Variants in MFSD6 observed in about 807,000 individuals in gnomAD.
MFSD6 encodes the protein major facilitator superfamily domain-containing protein 6.
MFSD6 carries 26 observed loss-of-function variants against 56.3 expected under a neutral mutation model. That is an observed-to-expected ratio of 0.46 (90% CI 0.34 to 0.64). MFSD6 has a LOEUF of 0.64. Ranked by LOEUF, MFSD6 falls within the 30% of genes least tolerant of loss-of-function variation. MFSD6 has a pLI of 0.01. For missense variants in MFSD6, 750 were observed against 986.2 expected (o/e 0.76, Z 3.21); for synonymous variants, 331 against 366.9 (o/e 0.90, Z 1.12).
chr2:190,452,185 G>A (rs1249821893), intron 3 of MFSD6, among the ~76,000 whole-genome samples: 1 of 151,998 alleles, frequency 6.6e-6, no homozygotes, highest in Admixed American at 6.6e-5. Context: ...AACCTGGGAA[G>A]TGGACGTTGC....
At position 190,410,333 on chromosome 2, in the gene MFSD6, A is replaced by G. The variant is rs952384499; in HGVS notation, c.-176+1830A>G. Among the ~76,000 whole-genome samples the G allele has an allele frequency of 6.6e-6, 1 of 152,224 alleles. No individual in the cohort carries two copies. The highest frequency in any genetic ancestry group is 1.9e-4 in the East Asian group (1 of 5,200). Reference sequence around the variant, plus strand: ...GGGTTAAGCAACTTACACAAACCACATAATCAGTAAGAGGTAGAGTTAAAT... The same window carrying G: ...GGGTTAAGCAACTTACACAAACCACGTAATCAGTAAGAGGTAGAGTTAAAT... On this transcript the variant is annotated intron_variant, in intron 1 of 7. Coordinates refer to ENST00000392328, the MANE Select transcript of MFSD6 (RefSeq NM_017694.4). This position sits in a 1 kb window ranked among gnomAD's most constrained non-coding sequence, Gnocchi z 4.4.
chr2:190,477,299 G>A (rs982364448), intron 4 of MFSD6: 1 of 984,624 alleles, frequency 1.0e-6, no homozygotes, highest in Middle Eastern at 5.2e-4. Flanking sequence ...TCCCACCTCT[G>A]GTTCCTGTTC....
At position 190,418,956 on chromosome 2, in the gene MFSD6, C is replaced by T. The variant is rs1690902534; in HGVS notation, c.-54+3543C>T. On this transcript the variant is annotated intron_variant, in intron 2 of 7. Transcript: ENST00000392328. The surrounding 1 kb of genome is among the most constrained non-coding windows in gnomAD (Gnocchi z 4.1). Reference sequence around the variant, plus strand: ...GGACTGAGACCAGTTTTGTTTCTTTCATCATTTGGCTTTGCCATAAAGGAA... The same window carrying T: ...GGACTGAGACCAGTTTTGTTTCTTTTATCATTTGGCTTTGCCATAAAGGAA... Among the ~76,000 whole-genome samples, 1 of 152,206 alleles carries T rather than the reference C, an allele frequency of 6.6e-6. No individual in the cohort carries two copies. The highest frequency in any genetic ancestry group is 2.4e-5 in the African/African-American group (1 of 41,452).
Position 190,496,293 on chromosome 2 carries a change from C to T in MFSD6, c.1892-1146C>T, listed in dbSNP as rs1449212567. 6.6e-6 allele frequency among the ~76,000 whole-genome samples: 1 copy of T among 152,168 alleles called. No homozygotes were observed. Among genetic ancestry groups the T allele is most frequent in the Non-Finnish European group, 1.5e-5 (1 of 68,028 alleles). ...AAAACCACAATGTGATACCACCTTA[C>T]TCCCACAAGAATGGCCATTATCAAA... On this transcript the variant is annotated intron_variant, in intron 6 of 7. Coordinates refer to ENST00000392328, the MANE Select transcript of MFSD6 (RefSeq NM_017694.4). This position sits in a 1 kb window ranked among gnomAD's most constrained non-coding sequence, Gnocchi z 4.7.
intron 4 of MFSD6, among the ~76,000 whole-genome samples, chr2:190,477,870 A>G (rs926844840): frequency 1.3e-5 from 2 of 152,164 alleles, no homozygotes; most frequent in African/African-American, 4.8e-5. Context: ...AATTCCCTAC[A>G]AAAATCACAT....
In MFSD6 at chr2:190,463,632, G is replaced by A. The variant is rs1411207294; in HGVS notation, c.1533-6126G>A. ...GCCCAGGAGTTCATGACCAGCCTGG[G>A]CAACATAGTGAGACTTTGTGTCTAC... On this transcript the variant is annotated intron_variant, in intron 3 of 7. Coordinates refer to ENST00000392328, the MANE Select transcript of MFSD6 (RefSeq NM_017694.4). This position sits in a 1 kb window ranked among gnomAD's most constrained non-coding sequence, Gnocchi z 4.4. 2.0e-5 allele frequency among the ~76,000 whole-genome samples: 3 copies of A among 152,082 alleles called. No individual in the cohort carries two copies. Among genetic ancestry groups the A allele is most frequent in the Non-Finnish European group, 4.4e-5 (3 of 68,014 alleles).
At chr2:190,484,232 G>A (rs1406884063) in intron 4 of MFSD6, among the ~76,000 whole-genome samples, 2 of 152,108 alleles carry the variant, frequency 1.3e-5, no homozygotes, top group Non-Finnish European at 2.9e-5. Context: ...GGGAGTAATA[G>A]CTTGTATTTT....
Position 190,436,775 on chromosome 2 carries a change from C to G in MFSD6, c.746C>G (p.Pro249Arg), listed in dbSNP as rs1178244955. The change falls in exon 3 of 8, where the codon CCT becomes CGT. Residue 249 changes from proline to arginine, a missense_variant. Coordinates refer to ENST00000392328, the MANE Select transcript of MFSD6 (RefSeq NM_017694.4). This position sits in a 1 kb window ranked among gnomAD's most constrained non-coding sequence, Gnocchi z 5.3. ...DLTLNSSTAT[P>R]VSPGSVTKET... is the part of the protein sequence containing the mutation. ...ACTTTGAACTCAAGCACAGCAACCCCTGTCTCCCCAGGAAGCGTAACCAAG... is the reference window on the plus strand; with the variant it reads ...ACTTTGAACTCAAGCACAGCAACCCGTGTCTCCCCAGGAAGCGTAACCAAG... 1 of 1,614,090 alleles carries G rather than the reference C, an allele frequency of 6.2e-7. No individual in the cohort carries two copies. The highest frequency in any genetic ancestry group is 8.5e-7 in the Non-Finnish European group (1 of 1,180,038).
chr2:190,408,331 G>A (rs533917728), upstream of MFSD6: 1,212 of 151,830 alleles, frequency 8.0e-3, 7 homozygotes, highest in Non-Finnish European at 0.013. Context: ...CCCTCGCCTC[G>A]CCTCGCCGCG....
At position 190,467,442 on chromosome 2, in the gene MFSD6, G is replaced by A. The variant is rs1281148794; in HGVS notation, c.1533-2316G>A. 5.9e-5 allele frequency among the ~76,000 whole-genome samples: 9 copies of A among 152,048 alleles called. No individual in the cohort carries two copies. Among genetic ancestry groups the A allele is most frequent in the Non-Finnish European group, 1.2e-4 (8 of 68,022 alleles). On this transcript the variant is annotated intron_variant, in intron 3 of 7. Coordinates refer to ENST00000392328, the MANE Select transcript of MFSD6 (RefSeq NM_017694.4). The surrounding 1 kb of genome is among the most constrained non-coding windows in gnomAD (Gnocchi z 5.5). The stretch of plus-strand genomic sequence containing the variant: ...AGCCTGGCCAACATGGCAAAACCTC[G>A]TCTCTACTAAAAATACAAAAATTAG...
In MFSD6 at chr2:190,456,541, T is replaced by C. The variant is rs980459231; in HGVS notation, c.1533-13217T>C. Among the ~76,000 whole-genome samples the C allele has an allele frequency of 2.6e-5, 4 of 152,166 alleles. No individual in the cohort carries two copies. The highest frequency in any genetic ancestry group is 4.4e-5 in the Non-Finnish European group (3 of 68,026). ...GAACTCCCTGGCTGCTCTAGGAACC[T>C]GCAGGGCTGATGGCATGGCCTAAGC... On this transcript the variant is annotated intron_variant, in intron 3 of 7. Coordinates refer to ENST00000392328, the MANE Select transcript of MFSD6 (RefSeq NM_017694.4). The surrounding 1 kb of genome is among the most constrained non-coding windows in gnomAD (Gnocchi z 5.4).
In MFSD6 at chr2:190,439,605, C is replaced by T. The variant is rs1028418074; in HGVS notation, c.1532+2044C>T. ...TAAGCTTAGACTTGTGTGTTTCTTT[C>T]CTGTGTAGTATTAGTTACTCATCAT... is the stretch of plus-strand genomic sequence containing the variant. On this transcript the variant is annotated intron_variant, in intron 3 of 7. Transcript: ENST00000392328. This position sits in a 1 kb window ranked among gnomAD's most constrained non-coding sequence, Gnocchi z 5.8. 6.6e-6 allele frequency among the ~76,000 whole-genome samples: 1 copy of T among 152,094 alleles called. No homozygotes were observed. Among genetic ancestry groups the T allele is most frequent in the Admixed American group, 6.5e-5 (1 of 15,276 alleles).
rs1329334273 is a variant in MFSD6, at chr2:190,461,917, T to G, written c.1533-7841T>G. Among the ~76,000 whole-genome samples, 2 of 152,190 alleles carry G rather than the reference T, an allele frequency of 1.3e-5. No individual in the cohort carries two copies. The highest frequency in any genetic ancestry group is 2.9e-5 in the Non-Finnish European group (2 of 68,036). On this transcript the variant is annotated intron_variant, in intron 3 of 7. Coordinates refer to ENST00000392328, the MANE Select transcript of MFSD6 (RefSeq NM_017694.4). The surrounding 1 kb of genome is among the most constrained non-coding windows in gnomAD (Gnocchi z 5.5). Reference sequence around the variant, plus strand: ...ATCTGAGAGCAGAAGTCTTTTAATTTAAAAATTTAAAGGTTGCCTTTCCCA... The same window carrying G: ...ATCTGAGAGCAGAAGTCTTTTAATTGAAAAATTTAAAGGTTGCCTTTCCCA...
chr2:190,455,881 C>G (rs1222187148), intron 3 of MFSD6, among the ~76,000 whole-genome samples: 1 of 143,564 alleles, frequency 7.0e-6, no homozygotes, highest in African/African-American at 2.6e-5. Flanking sequence ...CATAAAAGTT[C>G]AAGTTGACAG....
rs1689536357 is a variant in MFSD6 at position 190,494,265 on chromosome 2, AT to A, written c.1892-3172del. On this transcript the variant is annotated intron_variant, in intron 6 of 7. Coordinates refer to ENST00000392328, the MANE Select transcript of MFSD6 (RefSeq NM_017694.4). The surrounding 1 kb of genome is among the most constrained non-coding windows in gnomAD (Gnocchi z 5.7). The stretch of plus-strand genomic sequence containing the variant: ...AAACTGGAAAACGCAGAGGAGATAA[AT>A]TCCTTGAAAGACACAACCCTCCTAG... Among the ~76,000 whole-genome samples, 1 of 152,156 alleles carries A rather than the reference AT, an allele frequency of 6.6e-6. No individual in the cohort carries two copies. Among genetic ancestry groups the A allele is most frequent in the Non-Finnish European group, 1.5e-5 (1 of 68,006 alleles).
rs1686118581 is a variant in MFSD6, at chr2:190,434,700, G to A, written c.-53-1277G>A. Among the ~76,000 whole-genome samples the A allele has an allele frequency of 6.6e-6, 1 of 152,160 alleles. No individual in the cohort carries two copies. The highest frequency in any genetic ancestry group is 6.5e-5 in the Admixed American group (1 of 15,270). The stretch of plus-strand genomic sequence containing the variant: ...GCCCCCCTCAGCCTCCCAAAGTGCT[G>A]GGATTACAGGTGTGAGCCACCGCGC... On this transcript the variant is annotated intron_variant, in intron 2 of 7. Coordinates refer to ENST00000392328, the MANE Select transcript of MFSD6 (RefSeq NM_017694.4). This position sits in a 1 kb window ranked among gnomAD's most constrained non-coding sequence, Gnocchi z 4.3.
intron 3 of MFSD6, among the ~76,000 whole-genome samples, chr2:190,441,927 G>T (rs1281151688): frequency 6.6e-6 from 1 of 152,190 alleles, no homozygotes; most frequent in East Asian, 1.9e-4. Context: ...AATTAAGTCA[G>T]ATTGGTGCCT....
intron 2 of MFSD6, among the ~76,000 whole-genome samples, chr2:190,422,365 C>G (rs1411299220): frequency 6.6e-6 from 1 of 152,128 alleles, no homozygotes; most frequent in Non-Finnish European, 1.5e-5. Context: ...TTGCTTCTCT[C>G]CCATGTTAGA....
Position 190,418,758 on chromosome 2 carries a change from A to AAAAAC in MFSD6, c.-54+3360_-54+3364dup, listed in dbSNP as rs762982626. On this transcript the variant is annotated intron_variant, in intron 2 of 7. Transcript: ENST00000392328. This position sits in a 1 kb window ranked among gnomAD's most constrained non-coding sequence, Gnocchi z 4.1. ...GGTGGCAGAAGGAGCCCCTATCTAA[A>AAAAAC]AAAACAAAACAAAACAAAAGAATGA... 6.6e-6 allele frequency among the ~76,000 whole-genome samples: 1 copy of AAAAAC among 152,202 alleles called. No individual in the cohort carries two copies. The highest frequency in any genetic ancestry group is 2.4e-5 in the African/African-American group (1 of 41,456).
Sources: allele counts gnomAD v4.1 joint callset (sites outside exome capture counted in the v4.1 genomes callset), GRCh38; gene constraint gnomAD v4.1.1; non-coding constraint Gnocchi (gnomAD v3.1); transcripts MANE v1.5; gene names NCBI Gene and HGNC (gene_info 2026-07-23, HGNC 2026-07-21).